LTBP4: variants seen among roughly 807,000 people sequenced by gnomAD.
The protein encoded by LTBP4 is latent-transforming growth factor beta-binding protein 4.
Under a neutral mutation model 180.2 loss-of-function variants are expected in LTBP4, and 93 were observed. The observed-to-expected ratio is 0.52, with a 90% CI of 0.44 to 0.61. The LOEUF (loss-of-function observed/expected upper bound fraction) is 0.61, where lower values mean the gene tolerates loss of function less well. LTBP4 is among the 20% of genes least tolerant of loss of function. The pLI, the probability that LTBP4 is intolerant of heterozygous loss-of-function variation, is 0.00. For missense variants in LTBP4, 2,116 were observed against 2,256.5 expected (o/e 0.94, Z 1.26); for synonymous variants, 947 against 934.5 (o/e 1.01, Z -0.24).
At chr19:40,601,274 AG>A (rs908384810), upstream of LTBP4, 7 of 807,200 alleles carry the variant, frequency 8.7e-6, no homozygotes, top group Non-Finnish European at 1.0e-5. Context: ...AGTGGTGAGG[AG>A]GGGGGGCCTG....
intron 1 of LTBP4, chr19:40,593,226 T>A: frequency 6.2e-7 from 1 of 1,611,178 alleles, no homozygotes; most frequent in Non-Finnish European, 8.5e-7. Context: ...GCTGTGCACC[T>A]CAAACCCTAA....
At chr19:40,601,678 G>C (rs1599858545) in intron 1 of LTBP4, 41 bp downstream of exon 1, 2 of 1,304,802 alleles carry the variant, frequency 1.5e-6, no homozygotes, top group Non-Finnish European at 2.0e-6. Context: ...GGCTCCGGGG[G>C]GGAGGAGGAT....
At chr19:40,610,877 G>A in intron 12 of LTBP4, 1 of 768,634 alleles carries the variant, frequency 1.3e-6, no homozygotes, top group Non-Finnish European at 2.0e-6. Flanking sequence ...AGATGGAGAA[G>A]CAGAATGAGG....
Position 40,601,511 on chromosome 19 carries a change from G to A in LTBP4, c.124G>A (p.Gly42Ser). 6.7e-7 allele frequency: 1 copy of A among 1,498,802 alleles called. No homozygotes were observed. The highest frequency in any genetic ancestry group is 1.2e-5 in the South Asian group (1 of 80,068). The allele number at this position is 1,498,802 out of a possible 1,614,324, so 92.8% of individuals were successfully genotyped here. A position where few individuals can be genotyped will look rare whatever the true frequency, so the allele number is the denominator to read the frequency against. ...CGTGCGCTTCACCCCGGTCGTGTGCGGCCTGCGCTGCGTCCATGGGCCGAC... is the reference window on the plus strand; with the variant it reads ...CGTGCGCTTCACCCCGGTCGTGTGCAGCCTGCGCTGCGTCCATGGGCCGAC... The part of the protein sequence containing the change: ...LRVRFTPVVC[G>S]LRCVHGPTGS... The change falls in exon 1 of 30, where the codon GGC becomes AGC. Residue 42 changes from glycine (G) to serine (S), a missense_variant. By Grantham distance (56) the Gly-to-Ser change is moderately conservative (BLOSUM62 0). Transcript: ENST00000396819.
intron 29 of LTBP4, 114 bp downstream of exon 29, chr19:40,627,971 G>A (rs2081649962): frequency 7.3e-7 from 1 of 1,369,054 alleles, no homozygotes; most frequent in Non-Finnish European, 9.7e-7. Flanking sequence ...TCACTACAGG[G>A]GACGGGCCAG....
At position 40,627,576 on chromosome 19, in the gene LTBP4, C is replaced by T; in HGVS notation, c.4367-129C>T. ...GGTAAGCTTACTGGCCCCGCAGCAC[C>T]CGCCACAGCCCTGGAGCGGGATGGA... On this transcript the variant is annotated intron_variant, in intron 28 of 29. Coordinates refer to ENST00000396819, the MANE Select transcript of LTBP4 (RefSeq NM_001042545.2). The T allele has an allele frequency of 2.2e-6, 3 of 1,345,570 alleles. No homozygotes were observed. In the South Asian group the frequency reaches 4.3e-5, roughly 19 times the overall value. The allele number at this position is 1,345,570 out of a possible 1,614,324, so 83.4% of individuals were successfully genotyped here. A position where few individuals can be genotyped will look rare whatever the true frequency, so the allele number is the denominator to read the frequency against.
chr19:40,611,045 T>TA lies in LTBP4; in HGVS notation c.1811-106dup. The stretch of plus-strand genomic sequence containing the variant: ...GTCAGATGATGGTGACAAGGAGGAA[T>TA]AGAGATGGGGTCACGGGGACAGAAT... On this transcript the variant is annotated intron_variant, in intron 12 of 29. Transcript: ENST00000396819. The surrounding 1 kb of genome is among the most constrained non-coding windows in gnomAD (Gnocchi z 4.4). The TA allele has an allele frequency of 6.9e-7, 1 of 1,451,358 alleles. No homozygotes were observed. The allele number at this position is 1,451,358 out of a possible 1,614,324, so 89.9% of individuals were successfully genotyped here. A position where few individuals can be genotyped will look rare whatever the true frequency, so the allele number is the denominator to read the frequency against.
At position 40,613,932 on chromosome 19, in the gene LTBP4, C is replaced by T. The variant is rs1389277199; in HGVS notation, c.2574C>T (p.Ser858=). 5 of 1,613,612 alleles carry T rather than the reference C, an allele frequency of 3.1e-6. No homozygotes were observed. Among genetic ancestry groups the T allele is most frequent in the Non-Finnish European group, 4.2e-6 (5 of 1,179,768 alleles). ...GASCLDVDEC[S]EEDLCQSGIC... ...GTCCCGCAGACGTTGACGAGTGCAG[C>T]GAGGAGGACCTTTGCCAGAGCGGCA... Residue 858 remains serine, a synonymous_variant, in exon 18 of 30, where the codon AGC becomes AGT. Transcript: ENST00000396819. This position sits in a 1 kb window ranked among gnomAD's most constrained non-coding sequence, Gnocchi z 5.0.
At position 40,601,449 on chromosome 19, in the gene LTBP4, C is replaced by G. The variant is rs1246161366; in HGVS notation, c.62C>G (p.Pro21Arg). Residue 21 changes from proline to arginine, a missense_variant, in exon 1 of 30, where the codon CCG becomes CGG. By Grantham distance (103) the Pro-to-Arg change is moderately radical. Around this residue, in one of 5 missense-constraint regions of LTBP4, gnomAD observed 469 missense variants for 532.5 expected, o/e 0.88. Coordinates refer to ENST00000396819, the MANE Select transcript of LTBP4 (RefSeq NM_001042545.2). Reference protein sequence around the residue: ...SLLVLLAQLGPQPGLGRLGER... With the variant: ...SLLVLLAQLGRQPGLGRLGER... ...TTGGTGCTGCTGGCGCAGCTAGGGC[C>G]GCAGCCTGGACTGGGCCGGCTCGGA... is the stretch of plus-strand genomic sequence containing the variant. 1.4e-6 allele frequency: 2 copies of G among 1,475,610 alleles called. No individual in the cohort carries two copies. The highest frequency in any genetic ancestry group is 2.6e-5 in the South Asian group (2 of 77,980). 91.4% of individuals were successfully genotyped at this position (1,475,610 alleles called of 1,614,324 possible). A position where few individuals can be genotyped will look rare whatever the true frequency, so the allele number is the denominator to read the frequency against.
chr19:40,599,566 C>T (rs765070789), upstream of LTBP4: 1 of 1,602,752 alleles, frequency 6.2e-7, no homozygotes, highest in Non-Finnish European at 8.5e-7. Flanking sequence ...CGTGAGTGGG[C>T]AGTCCCTCCC....
chr19:40,604,926 A>G, intron 1 of LTBP4, 109 bp from the exon 2 acceptor site: 2 of 988,348 alleles, frequency 2.0e-6, no homozygotes, highest in Non-Finnish European at 2.9e-6. Context: ...GCCACATGAC[A>G]GCTAAGGGCG....
chr19:40,612,976 C>A (rs1599867835), intron 15 of LTBP4, 89 bp from the exon 16 acceptor site: 2 of 1,392,100 alleles, frequency 1.4e-6, no homozygotes, highest in East Asian at 2.5e-5. Context: ...TGAGACTTCC[C>A]ACCACCTCCC....
Position 40,613,570 on chromosome 19 carries a change from T to C in LTBP4, c.2557+41T>C, listed in dbSNP as rs766935751. The stretch of plus-strand genomic sequence containing the variant: ...GATCCTGGCCCCGGAAAGGGTGGGC[T>C]TAGGGCAGGAAAAGGCGGGACGGGG... On this transcript the variant is annotated intron_variant, in intron 17 of 29. Transcript: ENST00000396819. The surrounding 1 kb of genome is among the most constrained non-coding windows in gnomAD (Gnocchi z 5.0). 25 of 1,550,674 alleles carry C rather than the reference T, an allele frequency of 1.6e-5. No individual in the cohort carries two copies. Among genetic ancestry groups the C allele is most frequent in the Non-Finnish European group, 2.2e-5 (25 of 1,150,260 alleles).
chr19:40,610,193 T>G (rs531047450), intron 11 of LTBP4: 6 of 467,310 alleles, frequency 1.3e-5, no homozygotes, highest in Non-Finnish European at 1.9e-5. Context: ...GCCCCGCCAC[T>G]GTCCTGCAAC....
chr19:40,597,889 G>A (rs2081399466), upstream of LTBP4, among the ~76,000 whole-genome samples: 2 of 145,468 alleles, frequency 1.4e-5, no homozygotes, highest in Non-Finnish European at 3.0e-5. Context: ...AGACTCTTGC[G>A]TTGATGGTGG....
chr19:40,611,851 T>G lies in LTBP4; in HGVS notation c.2054-8T>G. 1 of 1,606,646 alleles carries G rather than the reference T, an allele frequency of 6.2e-7. No individual in the cohort carries two copies. Among genetic ancestry groups the G allele is most frequent in the Non-Finnish European group, 8.5e-7 (1 of 1,176,528 alleles). On this transcript the variant is annotated splice_polypyrimidine_tract_variant and splice_region_variant and intron_variant, in intron 13 of 29. Transcript: ENST00000396819. The surrounding 1 kb of genome is among the most constrained non-coding windows in gnomAD (Gnocchi z 4.4). ...CTTCCTCAGCCTCATTGGTCCCCTC[T>G]GCCCCAGATGTGGATGAGTGTGCCC... is the stretch of plus-strand genomic sequence containing the variant.
At position 40,627,171 on chromosome 19, in the gene LTBP4, C is replaced by T; in HGVS notation, c.4182C>T (p.Arg1394=). Residue 1394 remains arginine, a synonymous_variant, in exon 28 of 30, where the codon CGC becomes CGT. Coordinates refer to ENST00000396819, the MANE Select transcript of LTBP4 (RefSeq NM_001042545.2). Reference sequence around the variant, plus strand: ...CACCGCCACCTGGGCCCTTCGCCCGCCGGGAGGCTCCTTATGGGGCACCCC... The same window carrying T: ...CACCGCCACCTGGGCCCTTCGCCCGTCGGGAGGCTCCTTATGGGGCACCCC... ...PYPPPPGPFA[R]REAPYGAPRF... 1 of 1,613,282 alleles carries T rather than the reference C, an allele frequency of 6.2e-7. No homozygotes were observed. Among genetic ancestry groups the T allele is most frequent in the Non-Finnish European group, 8.5e-7 (1 of 1,179,656 alleles).
At chr19:40,607,095 G>C (rs73047967) in intron 6 of LTBP4, among the ~76,000 whole-genome samples, 2 of 151,784 alleles carry the variant, frequency 1.3e-5, no homozygotes, top group African/African-American at 4.8e-5. Context: ...AAATCCTCTC[G>C]TCCCCCTCAA....
Position 40,605,445 on chromosome 19 carries a change from G to A in LTBP4, c.483G>A (p.Gln161=). The change falls in exon 3 of 30, where the codon CAG becomes CAA. Residue 161 remains glutamine (Q), a synonymous_variant. Transcript: ENST00000396819. The surrounding 1 kb of genome is among the most constrained non-coding windows in gnomAD (Gnocchi z 5.5). ...TGAGCGTCCACGTGGAGCACCCGCAGGAGGCGTCGGTGGTGGTGCACCAGG... is the reference window on the plus strand; with the variant it reads ...TGAGCGTCCACGTGGAGCACCCGCAAGAGGCGTCGGTGGTGGTGCACCAGG... ...SMVSVHVEHP[Q]EASVVVHQVE... The A allele has an allele frequency of 6.2e-7, 1 of 1,612,828 alleles. No homozygotes were observed. The highest frequency in any genetic ancestry group is 8.5e-7 in the Non-Finnish European group (1 of 1,179,860).
Sources: gnomAD v4.1 joint callset for allele counts (sites outside exome capture counted in the v4.1 genomes callset) on GRCh38, gnomAD v4.1.1 for gene constraint, gnomAD v4.1.1 regional missense constraint, Gnocchi (gnomAD v3.1) non-coding constraint, MANE v1.5 for transcripts, NCBI Gene and HGNC (gene_info 2026-07-23, HGNC 2026-07-21) for gene names.